The following CREB3L2 variants were observed in gnomAD, a reference collection of about 807,000 sequenced individuals.
CREB3L2 encodes cyclic AMP-responsive element-binding protein 3-like protein 2.
CREB3L2 carries 23 observed loss-of-function variants against 57.2 expected under a neutral mutation model. The observed-to-expected ratio is 0.40, with a 90% CI of 0.29 to 0.57. The LOEUF is 0.57. Ranked by LOEUF, CREB3L2 falls within the 20% of genes least tolerant of loss-of-function variation. The probability of loss-of-function intolerance (pLI) is 0.42; values close to 1 mark genes in which losing one functional copy is unlikely to be tolerated. For synonymous variants in CREB3L2, 268 were observed against 265.1 expected (o/e 1.01, Z -0.11); for missense variants, 628 against 634.7 (o/e 0.99, Z 0.11).
At chr7:137,970,280 C>A (rs1216031801) in intron 1 of CREB3L2, among the ~76,000 whole-genome samples, 1 of 152,200 alleles carries the variant, frequency 6.6e-6, no homozygotes, top group East Asian at 1.9e-4. Context: ...CTCACTTAAA[C>A]TGCCCAAATA....
chr7:137,957,719 CT>C (rs1434768275), intron 1 of CREB3L2: 1 of 1,263,048 alleles, frequency 7.9e-7, no homozygotes, highest in Admixed American at 2.3e-5. Flanking sequence ...AATTTACAGG[CT>C]TCACAAGTTT....
At chr7:137,931,822 A>C (rs1029409132) in intron 1 of CREB3L2, among the ~76,000 whole-genome samples, 2 of 152,218 alleles carry the variant, frequency 1.3e-5, no homozygotes, top group African/African-American at 2.4e-5. Flanking sequence ...ACAGAGTGAG[A>C]CTCTGTCTTA....
At chr7:137,995,622 C>T (rs995469078) in intron 1 of CREB3L2, among the ~76,000 whole-genome samples, 2 of 152,156 alleles carry the variant, frequency 1.3e-5, no homozygotes, top group African/African-American at 2.4e-5. Flanking sequence ...CGTCAGCCAC[C>T]GCGCCCGGCC....
intron 1 of CREB3L2, among the ~76,000 whole-genome samples, chr7:137,994,138 G>C (rs1221764831): frequency 6.6e-6 from 1 of 152,156 alleles, no homozygotes; most frequent in Non-Finnish European, 1.5e-5. Context: ...TCACTCATAA[G>C]ATCACTCATT....
intron 1 of CREB3L2, among the ~76,000 whole-genome samples, chr7:137,988,896 T>C (rs1444282724): frequency 7.6e-6 from 1 of 130,832 alleles, no homozygotes; most frequent in Non-Finnish European, 1.5e-5. Flanking sequence ...GAGTTCAAGA[T>C]CAGCCTGGGC....
chr7:137,953,234 T>A (rs535689075), intron 1 of CREB3L2: 112 of 339,270 alleles, frequency 3.3e-4, no homozygotes, highest in Non-Finnish European at 4.8e-4. Context: ...AGACAGTTTG[T>A]TCCCTCTAAG....
intron 1 of CREB3L2, among the ~76,000 whole-genome samples, chr7:137,938,769 A>T (rs1279522958): frequency 6.6e-6 from 1 of 152,218 alleles, no homozygotes; most frequent in Non-Finnish European, 1.5e-5. Flanking sequence ...ATAATTTTTC[A>T]TCATTAAAAC....
chr7:137,960,557 G>T (rs1169934301), intron 1 of CREB3L2, among the ~76,000 whole-genome samples: 1 of 152,112 alleles, frequency 6.6e-6, no homozygotes, highest in Non-Finnish European at 1.5e-5. Context: ...ATAACAGTTA[G>T]GGTCAGTGGG....
intron 2 of CREB3L2, among the ~76,000 whole-genome samples, chr7:137,918,082 G>C (rs1032066361): frequency 1.3e-5 from 2 of 152,334 alleles, no homozygotes; most frequent in Admixed American, 1.3e-4. Context: ...GGAGCTAGAA[G>C]ACAATGTCCG....
chr7:137,953,495 C>T (rs1801143012), intron 1 of CREB3L2: 2 of 1,289,076 alleles, frequency 1.6e-6, no homozygotes, highest in Non-Finnish European at 2.0e-6. Flanking sequence ...GTCAACCATC[C>T]CCAACACACG....
chr7:137,983,602 T>C (rs770812057), intron 1 of CREB3L2, among the ~76,000 whole-genome samples: 5 of 152,208 alleles, frequency 3.3e-5, no homozygotes, highest in African/African-American at 1.2e-4. Flanking sequence ...TTACACACCA[T>C]TGTGAGCCGC....
At chr7:137,912,838 C>A in intron 4 of CREB3L2, 153 bp downstream of exon 4, 1 of 1,526,144 alleles carries the variant, frequency 6.6e-7, no homozygotes, top group South Asian at 1.2e-5. Flanking sequence ...TATTTGGAAG[C>A]AAAATTTTTA....
rs1800054422 is a variant in CREB3L2, at chr7:137,913,228, G to C, written c.496-150C>G. On this transcript the variant is annotated intron_variant, in intron 3 of 11. Transcript: ENST00000330387. The stretch of plus-strand genomic sequence containing the variant: ...GAGTGTAGGCAACTTCCCTGACAGG[G>C]AGTCATTTTAGTTCTTAACCTTTTT... 3 of 741,394 alleles carry C rather than the reference G, an allele frequency of 4.0e-6. No homozygotes were observed. In the South Asian group the frequency reaches 5.9e-5, roughly 15 times the overall value. The allele number at this position is 741,394 out of a possible 1,614,324, so 45.9% of individuals were successfully genotyped here. A position where few individuals can be genotyped will look rare whatever the true frequency, so the allele number is the denominator to read the frequency against.
intron 1 of CREB3L2, among the ~76,000 whole-genome samples, chr7:137,962,647 C>A (rs893567820): frequency 7.9e-5 from 12 of 152,092 alleles, no homozygotes; most frequent in Admixed American, 2.6e-4. Context: ...TCCCACCCCC[C>A]ACCAGCATTC....
rs1357932261 is a variant in CREB3L2 at position 137,882,540 on chromosome 7, C to T, written c.1359G>A (p.Trp453Ter). The T allele has an allele frequency of 1.9e-6, 3 of 1,613,850 alleles. No individual in the cohort carries two copies. The highest frequency in any genetic ancestry group is 2.5e-6 in the Non-Finnish European group (3 of 1,179,752). Residue 453 changes from tryptophan (W) to a stop codon, truncating the protein, a stop_gained, in exon 11 of 12, where the codon TGG becomes TGA. Transcript: ENST00000330387. LOFTEE classifies it high-confidence loss of function. ...CCCTGAGCAGGGAGGAACCTCTATC[C>T]CAGCCCCCCAGCTCCCCAGCCGAGC... is the stretch of plus-strand genomic sequence containing the variant. Reference protein sequence around the residue: ...SPGSAGELGGWDRGSSLLRVS... With the variant: ...SPGSAGELGG
chr7:137,919,257 C>T (rs1047237693), intron 2 of CREB3L2, among the ~76,000 whole-genome samples: 2 of 151,428 alleles, frequency 1.3e-5, no homozygotes, highest in East Asian at 1.9e-4. Flanking sequence ...CTGCAACCTC[C>T]ACCTCCTGGG....
intron 7 of CREB3L2, among the ~76,000 whole-genome samples, chr7:137,902,471 G>A (rs189734350): frequency 2.2e-4 from 34 of 152,228 alleles, no homozygotes; most frequent in Admixed American, 1.0e-3. Flanking sequence ...GCTGGGGCAC[G>A]CATGCCCAAA....
chr7:137,947,136 G>T (rs1299084657), intron 1 of CREB3L2, among the ~76,000 whole-genome samples: 1 of 149,182 alleles, frequency 6.7e-6, no homozygotes, highest in Non-Finnish European at 1.5e-5. Context: ...ACCCACTAAG[G>T]ACACAGCAAG....
chr7:137,950,595 C>T lies in CREB3L2; in HGVS notation c.103-22229G>A, dbSNP rs76932863. 6.7e-3 allele frequency among the ~76,000 whole-genome samples: 1,019 copies of T among 152,108 alleles called. 18 individuals carry two copies. Among genetic ancestry groups the T allele is most frequent in the East Asian group, 0.052 (267 of 5,164 alleles). ...TGGGGTGGGGAGTGAGGAGGTATTA[C>T]GAAGGCTCCACAAACACCAGAGTAG... On this transcript the variant is annotated intron_variant, in intron 1 of 11. Coordinates refer to ENST00000330387, the MANE Select transcript of CREB3L2 (RefSeq NM_194071.4).
Sources: gnomAD v4.1 joint callset for allele counts (sites outside exome capture counted in the v4.1 genomes callset) on GRCh38, gnomAD v4.1.1 for gene constraint, MANE v1.5 for transcripts, NCBI Gene and HGNC (gene_info 2026-07-23, HGNC 2026-07-21) for gene names.